The following MADD variants were observed in gnomAD, a reference collection of about 807,000 sequenced individuals.
The protein encoded by MADD is MAP kinase activating death domain.
Under a neutral mutation model 176.7 loss-of-function variants are expected in MADD, and 109 were observed. The ratio of observed to expected loss-of-function variants is 0.62; its 90% CI spans 0.53 to 0.72. The LOEUF (loss-of-function observed/expected upper bound fraction) is 0.72. MADD is among the 30% of genes least tolerant of loss of function. The pLI is 0.00. For synonymous variants in MADD, 771 were observed against 771.3 expected, an observed-to-expected ratio of 1.00 and a Z score of 0.01; for missense variants, 1,914 against 2,045.5, an observed-to-expected ratio of 0.94 and a Z score of 1.24.
intron 31 of MADD, chr11:47,328,117 CTGTGGGTTTATATCA>C (rs993979518): frequency 9.0e-5 from 90 of 1,003,578 alleles, no homozygotes; most frequent in Non-Finnish European, 1.0e-4. Context: ...CTGCCACATC[CTGTGGGTTTATATCA>C]TGTTACCTCT....
intron 8 of MADD, 53 bp from the exon 9 acceptor site, chr11:47,282,328 A>G (rs778406508): frequency 5.5e-5 from 82 of 1,481,312 alleles, no homozygotes; most frequent in African/African-American, 3.3e-4. Flanking sequence ...ACTTTGGATC[A>G]TGGGAATCCT....
At chr11:47,298,741 A>G (rs1397553494) in intron 22 of MADD, among the ~76,000 whole-genome samples, 3 of 152,020 alleles carry the variant, frequency 2.0e-5, no homozygotes, top group African/African-American at 7.2e-5. Context: ...GGTCTCCATA[A>G]ACTTTTTGCC....
intron 15 of MADD, chr11:47,288,986 T>G (rs1273526970): frequency 1.2e-6 from 2 of 1,600,896 alleles, no homozygotes; most frequent in Non-Finnish European, 1.7e-6. Context: ...CTAAATACTC[T>G]AATGGAGATT....
intron 3 of MADD, 31 bp from the exon 4 acceptor site, chr11:47,275,868 A>T (rs376628306): frequency 6.3e-7 from 1 of 1,577,314 alleles, no homozygotes; most frequent in Admixed American, 1.7e-5. Context: ...TCTGATGCTA[A>T]TGTGTCTGAT....
At chr11:47,284,952 C>T (rs2059592550) in exon 13 of MADD, 4 of 1,613,632 alleles carry the variant, frequency 2.5e-6, no homozygotes, top group South Asian at 1.1e-5. Flanking sequence ...AACCTGCTGA[C>T]TCTACGGAGA....
At chr11:47,327,361 C>G in intron 31 of MADD, 2 of 985,452 alleles carry the variant, frequency 2.0e-6, no homozygotes, top group Non-Finnish European at 2.4e-6. Flanking sequence ...GGTTCTCACC[C>G]TGGGGCTTTG....
chr11:47,291,155 T>C (rs2064890817), intron 19 of MADD, among the ~76,000 whole-genome samples: 1 of 152,130 alleles, frequency 6.6e-6, no homozygotes, highest in Admixed American at 6.5e-5. Context: ...CTGGAAGTGC[T>C]CAGGAAGTTT....
At chr11:47,271,871 T>TA (rs1591468068) in intron 1 of MADD, 1 of 152,194 alleles carries the variant, frequency 6.6e-6, no homozygotes, top group Admixed American at 6.5e-5. Context: ...GCGGCTCTGT[T>TA]ATAGTGCCCC....
At chr11:47,302,533 A>T (rs921880734) in intron 22 of MADD, among the ~76,000 whole-genome samples, 1 of 152,154 alleles carries the variant, frequency 6.6e-6, no homozygotes, top group Non-Finnish European at 1.5e-5. Flanking sequence ...TTTGACATAA[A>T]GTCTGTTTTA....
intron 22 of MADD, among the ~76,000 whole-genome samples, chr11:47,307,924 C>T (rs1429827331): frequency 6.6e-6 from 1 of 152,220 alleles, no homozygotes; most frequent in African/African-American, 2.4e-5. Context: ...CCACCTTGGC[C>T]TCCCAAAGTG....
chr11:47,318,789 ATTTTTTTTTTTTTTTTTTTTT>A (rs57548484), intron 27 of MADD, among the ~76,000 whole-genome samples: 1 of 82,458 alleles, frequency 1.2e-5, no homozygotes, highest in Non-Finnish European at 2.2e-5. Flanking sequence ...CAGTTTGGGA[ATTTTTTTTTTTTTTTTTTTTT>A]TTTTTTTTTT....
At chr11:47,303,011 G>A (rs968680386) in intron 22 of MADD, among the ~76,000 whole-genome samples, 3 of 152,048 alleles carry the variant, frequency 2.0e-5, no homozygotes, top group African/African-American at 7.2e-5. Context: ...TGTCTTGTAA[G>A]GGTGTGATGA....
chr11:47,288,822 C>T (rs1413311391), intron 15 of MADD, 146 bp from the exon 16 acceptor site: 2 of 631,960 alleles, frequency 3.2e-6, no homozygotes, highest in Middle Eastern at 4.1e-4. Flanking sequence ...ACTTGGCTTC[C>T]AGCTCTGAGG....
At chr11:47,318,536 A>G (rs1182160904) in intron 27 of MADD, among the ~76,000 whole-genome samples, 2 of 152,194 alleles carry the variant, frequency 1.3e-5, no homozygotes, top group Non-Finnish European at 2.9e-5. Context: ...CCTTTTAAAA[A>G]AAATATCTCC....
chr11:47,297,789 C>CTT (rs35063043), intron 22 of MADD, among the ~76,000 whole-genome samples: 18,121 of 113,218 alleles, frequency 0.16, 2,157 homozygotes, highest in East Asian at 0.59. Context: ...TTCTTTCTTT[C>CTT]TTTTTTTTTT....
Position 47,290,302 on chromosome 11 carries a change from A to G in MADD, c.3094+3A>G, listed in dbSNP as rs1309740068. ...CCAGACCCACTACTATAGTAAAGGTAGGGATCGTACTTGCTGGGCACCACG... is the reference window on the plus strand; with the variant it reads ...CCAGACCCACTACTATAGTAAAGGTGGGGATCGTACTTGCTGGGCACCACG... On this transcript the variant is annotated splice_donor_region_variant and intron_variant, in intron 18 of 32. Transcript: ENST00000402192. 1 of 1,613,456 alleles carries G rather than the reference A, an allele frequency of 6.2e-7. No homozygotes were observed. Among genetic ancestry groups the G allele is most frequent in the Non-Finnish European group, 8.5e-7 (1 of 1,179,656 alleles).
intron 1 of MADD, chr11:47,272,367 G>A (rs1269224382): frequency 5.3e-5 from 8 of 152,210 alleles, no homozygotes; most frequent in African/African-American, 1.9e-4. Flanking sequence ...TTAGGTAGGG[G>A]AGAAAAAACT....
At position 47,274,557 on chromosome 11, in the gene MADD, C is replaced by A; in HGVS notation, c.63-6C>A. On this transcript the variant is annotated splice_polypyrimidine_tract_variant and splice_region_variant and intron_variant, in intron 2 of 32. Coordinates refer to ENST00000402192, the Ensembl canonical transcript of MADD. ...AGGCTGCTGAATTTGTCTTTATGTT[C>A]TTCAGGCACCCGAGCAGTGATAGCG... 1.3e-6 allele frequency: 2 copies of A among 1,599,352 alleles called. No individual in the cohort carries two copies. Among genetic ancestry groups the A allele is most frequent in the Non-Finnish European group, 1.7e-6 (2 of 1,168,314 alleles).
chr11:47,327,825 G>C, intron 31 of MADD: 5 of 985,402 alleles, frequency 5.1e-6, no homozygotes, highest in Non-Finnish European at 6.0e-6. Flanking sequence ...GAGATGCCAG[G>C]CCCCTCTGCT....
Sources: allele counts gnomAD v4.1 joint callset (sites outside exome capture counted in the v4.1 genomes callset), GRCh38; gene constraint gnomAD v4.1.1; transcripts MANE v1.5; gene names NCBI Gene and HGNC (gene_info 2026-07-23, HGNC 2026-07-21).